SEMA6D: variants seen among roughly 807,000 people sequenced by gnomAD.
SEMA6D encodes the protein semaphorin-6D.
A neutral mutation model predicts 106.6 loss-of-function variants in SEMA6D; 35 were observed. The observed-to-expected ratio is 0.33, with a 90% CI of 0.25 to 0.44. The LOEUF is 0.44. Ranked by LOEUF, SEMA6D falls within the 20% of genes least tolerant of loss-of-function variation. The pLI is 1.00. For missense variants in SEMA6D, 1,185 were observed against 1,345.9 expected, an observed-to-expected ratio of 0.88 and a Z score of 1.87; for synonymous variants, 499 against 487.7, an observed-to-expected ratio of 1.02 and a Z score of -0.31.
At chr15:47,525,520 T>C (rs2044725548) in intron 3 of SEMA6D, 1 of 152,224 alleles carries the variant, frequency 6.6e-6, no homozygotes, top group Non-Finnish European at 1.5e-5. Context: ...ATGCTTTCTA[T>C]TTCTCTTTTA....
chr15:47,578,098 G>A (rs868500713), intron 3 of SEMA6D, among the ~76,000 whole-genome samples: 6 of 152,204 alleles, frequency 3.9e-5, no homozygotes, highest in South Asian at 2.1e-4. Context: ...ATTTACAGAT[G>A]GAGAAAGTGA....
chr15:47,343,248 T>TTTTTTATTATTATTATTA (rs1555425174), intron 1 of SEMA6D, among the ~76,000 whole-genome samples: 158 of 146,144 alleles, frequency 1.1e-3, no homozygotes, highest in African/African-American at 3.9e-3. Flanking sequence ...TAGTTGGATT[T>TTTTTTATTATTATTATTA]TTATTATTAT....
intron 1 of SEMA6D, among the ~76,000 whole-genome samples, chr15:47,748,740 T>G (rs2081273424): frequency 6.6e-6 from 1 of 152,210 alleles, no homozygotes; most frequent in South Asian, 2.1e-4. Context: ...AAGGATCTTG[T>G]AAATCTTGGA....
At chr15:47,349,076 C>A (rs1389041197) in intron 1 of SEMA6D, among the ~76,000 whole-genome samples, 1 of 151,622 alleles carries the variant, frequency 6.6e-6, no homozygotes, top group Non-Finnish European at 1.5e-5. Flanking sequence ...CTTCATTCTC[C>A]CCACCTCTTC....
At chr15:47,409,149 G>A (rs918008394) in intron 1 of SEMA6D, among the ~76,000 whole-genome samples, 7 of 152,176 alleles carry the variant, frequency 4.6e-5, no homozygotes, top group African/African-American at 1.7e-4. Context: ...TGCAAATGCT[G>A]ATAGTTTATT....
intron 1 of SEMA6D, among the ~76,000 whole-genome samples, chr15:47,348,491 A>G (rs2038134758): frequency 6.6e-6 from 1 of 152,124 alleles, no homozygotes; most frequent in South Asian, 2.1e-4. Context: ...TTTTAAATCC[A>G]GAATACTCCA....
intron 1 of SEMA6D, among the ~76,000 whole-genome samples, chr15:47,376,221 T>C (rs1398802826): frequency 6.6e-6 from 1 of 152,196 alleles, no homozygotes; most frequent in Non-Finnish European, 1.5e-5. Flanking sequence ...TGCACCCCTT[T>C]GTGGCAGTTC....
In SEMA6D at chr15:47,749,977, A is replaced by T. The variant is rs571216321; in HGVS notation, c.-54-9768A>T. On this transcript the variant is annotated intron_variant, in intron 1 of 18. Transcript: ENST00000536845. ...ACCACTGAGATTAAATGCCTCAAGG[A>T]GATGAAGGAAGATTTAAAATGAGGA... Among the ~76,000 whole-genome samples the T allele has an allele frequency of 3.3e-5, 5 of 152,180 alleles. 1 individual carries two copies. The South Asian group carries it at 1.0e-3, about 32-fold the overall frequency.
chr15:47,531,070 T>G, intron 3 of SEMA6D, among the ~76,000 whole-genome samples: 1 of 152,192 alleles, frequency 6.6e-6, no homozygotes, highest in East Asian at 1.9e-4. Context: ...GATCAATGAA[T>G]CATGACAGTC....
At chr15:47,762,993 T>C in intron 8 of SEMA6D, 23 bp from the exon 9 acceptor site, 1 of 1,576,410 alleles carries the variant, frequency 6.3e-7, no homozygotes, top group East Asian at 2.3e-5. Context: ...TAGGAACCAG[T>C]TTGTTTTTAA....
intron 3 of SEMA6D, among the ~76,000 whole-genome samples, chr15:47,500,207 C>T (rs1442264310): frequency 6.6e-6 from 1 of 152,096 alleles, no homozygotes; most frequent in Non-Finnish European, 1.5e-5. Flanking sequence ...ACAGACACTT[C>T]CTGGGTCACA....
At chr15:47,220,886 G>GAGATGAT (rs1441346161) in intron 1 of SEMA6D, among the ~76,000 whole-genome samples, 6 of 152,162 alleles carry the variant, frequency 3.9e-5, no homozygotes, top group African/African-American at 1.4e-4. Context: ...AATTGATTTT[G>GAGATGAT]AGATGATAGA....
chr15:47,195,467 CT>C (rs1482495973), intron 1 of SEMA6D, among the ~76,000 whole-genome samples: 4 of 152,074 alleles, frequency 2.6e-5, no homozygotes, highest in Non-Finnish European at 5.9e-5. Context: ...TCTATCTCCC[CT>C]GATAACATTA....
chr15:47,769,648 A>G (rs766950645), intron 18 of SEMA6D, among the ~76,000 whole-genome samples: 2 of 152,196 alleles, frequency 1.3e-5, no homozygotes, highest in African/African-American at 4.8e-5. Context: ...TTACTCTGGG[A>G]TAGCTGTGTT....
chr15:47,697,824 G>A (rs753221276), intron 4 of SEMA6D, among the ~76,000 whole-genome samples: 6 of 152,152 alleles, frequency 3.9e-5, no homozygotes, highest in African/African-American at 7.2e-5. Context: ...TCCTCAGCAC[G>A]TACACCACCA....
chr15:47,227,938 T>C (rs573508149), intron 1 of SEMA6D, among the ~76,000 whole-genome samples: 78 of 143,580 alleles, frequency 5.4e-4, no homozygotes, highest in African/African-American at 1.9e-3. Flanking sequence ...ATAAGAATCT[T>C]ATATATATTT....
At chr15:47,367,713 CACACACACACACACAG>C (rs1307238369) in intron 1 of SEMA6D, among the ~76,000 whole-genome samples, 34 of 145,540 alleles carry the variant, frequency 2.3e-4, no homozygotes, top group African/African-American at 8.2e-4. Context: ...CACACACACA[CACACACACACACACAG>C]AGAGAGAGAA....
chr15:47,186,253 C>G (rs1486667286), intron 1 of SEMA6D, among the ~76,000 whole-genome samples: 1 of 152,156 alleles, frequency 6.6e-6, no homozygotes, highest in African/African-American at 2.4e-5. Flanking sequence ...AGGAGAAGTA[C>G]TTAACATGAA....
At chr15:47,708,587 TTGCGTGC>T (rs2078957981) in intron 4 of SEMA6D, among the ~76,000 whole-genome samples, 1 of 152,236 alleles carries the variant, frequency 6.6e-6, no homozygotes, top group Non-Finnish European at 1.5e-5. Flanking sequence ...TTCAGTCAGG[TTGCGTGC>T]TCTCTCACTT....
Sources: gnomAD v4.1 joint callset for allele counts (sites outside exome capture counted in the v4.1 genomes callset) on GRCh38, gnomAD v4.1.1 for gene constraint, MANE v1.5 for transcripts, NCBI Gene and HGNC (gene_info 2026-07-23, HGNC 2026-07-21) for gene names.